TLR4: variants seen among roughly 807,000 people sequenced by gnomAD.
TLR4 encodes the protein toll-like receptor 4.
TLR4 carries 17 observed loss-of-function variants against 27.4 expected under a neutral mutation model. The ratio of observed to expected loss-of-function variants is 0.62; its 90% CI spans 0.42 to 0.93. TLR4 has a LOEUF of 0.93. Ranked by LOEUF, TLR4 falls within the 40% of genes least tolerant of loss-of-function variation. The pLI, the probability that TLR4 is intolerant of heterozygous loss-of-function variation, is 0.00. For synonymous variants in TLR4, 363 were observed against 365.7 expected, an observed-to-expected ratio of 0.99 and a Z score of 0.08; for missense variants, 926 against 962.3, an observed-to-expected ratio of 0.96 and a Z score of 0.50.
At position 117,713,699 on chromosome 9, in the gene TLR4, T is replaced by C; in HGVS notation, c.1571T>C (p.Val524Ala). ...TTTAACTCACTCTCCAGTCTTCAGG[T>C]ACTAAATATGAGCCACAACAACTTC... ...TAFNSLSSLQ[V>A]LNMSHNNFFS... The change falls in exon 3 of 3, where the codon GTA becomes GCA. Residue 524 changes from valine to alanine, a missense_variant. Coordinates refer to ENST00000355622, the MANE Select transcript of TLR4 (RefSeq NM_138554.5). The C allele has an allele frequency of 6.2e-7, 1 of 1,614,024 alleles. No individual in the cohort carries two copies. The highest frequency in any genetic ancestry group is 2.2e-5 in the East Asian group (1 of 44,858).
At chr9:117,706,457 A>G (rs989887106) in intron 1 of TLR4, among the ~76,000 whole-genome samples, 11 of 152,138 alleles carry the variant, frequency 7.2e-5, no homozygotes, top group African/African-American at 1.2e-4. Context: ...ATTTACCACT[A>G]TATTTCCAGT....
rs535260110 is a variant in TLR4, at chr9:117,713,119, G to A, written c.991G>A (p.Gly331Arg). The A allele has an allele frequency of 9.9e-6, 16 of 1,611,840 alleles. No homozygotes were observed. The highest frequency in any genetic ancestry group is 5.4e-5 in the African/African-American group (4 of 74,742). The change falls in exon 3 of 3, where the codon GGA (glycine) becomes AGA (arginine). Residue 331 changes from glycine to arginine, a missense_variant. Coordinates refer to ENST00000355622, the MANE Select transcript of TLR4 (RefSeq NM_138554.5). The part of the protein sequence containing the change: ...ERVKDFSYNF[G>R]WQHLELVNCK... ...GGTAAAAGACTTTTCTTATAATTTC[G>A]GATGGCAACATTTAGAATTAGTTAA...
At chr9:117,711,042 T>C (rs1359044137) in intron 2 of TLR4, among the ~76,000 whole-genome samples, 1 of 152,074 alleles carries the variant, frequency 6.6e-6, no homozygotes, top group African/African-American at 2.4e-5. Context: ...TCAAAAATAA[T>C]CAAGTTCAGC....
At chr9:117,706,279 T>C (rs1415150444) in intron 1 of TLR4, among the ~76,000 whole-genome samples, 1 of 152,184 alleles carries the variant, frequency 6.6e-6, no homozygotes, top group Non-Finnish European at 1.5e-5. Context: ...GCAGTCTTCC[T>C]TGATTGCCCC....
chr9:117,714,297 C>T lies in TLR4; in HGVS notation c.2169C>T (p.Ile723=). The change falls in exon 3 of 3, where the codon ATC becomes ATT. Residue 723 remains isoleucine (I), a synonymous_variant. Transcript: ENST00000355622. ...GTGTGGCCATTGCTGCCAACATCAT[C>T]CATGAAGGTTTCCATAAAAGCCGAA... ...IPGVAIAANI[I]HEGFHKSRKV... 8 of 1,593,444 alleles carry T rather than the reference C, an allele frequency of 5.0e-6. No homozygotes were observed. The highest frequency in any genetic ancestry group is 6.0e-6 in the Non-Finnish European group (7 of 1,165,160).
chr9:117,721,271 T>A lies in TLR4; in HGVS notation c.*6623T>A, dbSNP rs2131180764. 6.6e-6 allele frequency: 1 copy of A among 152,306 alleles called. No individual in the cohort carries two copies. Among genetic ancestry groups the A allele is most frequent in the South Asian group, 2.1e-4 (1 of 4,828 alleles). 9.4% of individuals were successfully genotyped at this position (152,306 alleles called of 1,614,324 possible). On this transcript the variant is annotated 3_prime_UTR_variant, in exon 3 of 3. Transcript: ENST00000355622. Reference sequence around the variant, plus strand: ...GAGTCCTCAATGTCTGTTATTTCATTCTCCATGTCCATGTCTACAAATTAT... The same window carrying A: ...GAGTCCTCAATGTCTGTTATTTCATACTCCATGTCCATGTCTACAAATTAT...
intron 1 of TLR4, chr9:117,708,009 G>A (rs762036597): frequency 3.0e-5 from 5 of 167,660 alleles, no homozygotes; most frequent in Non-Finnish European, 6.2e-5. Flanking sequence ...AATATGGAAC[G>A]CATCATGGAT....
intron 2 of TLR4, 22 bp downstream of exon 2, chr9:117,708,751 A>G: frequency 6.2e-7 from 1 of 1,613,360 alleles, no homozygotes; most frequent in Non-Finnish European, 8.5e-7. Flanking sequence ...ACTTTTACAT[A>G]CTGCACAAGG....
intron 1 of TLR4, chr9:117,708,137 T>C (rs1444914388): frequency 5.3e-6 from 5 of 947,342 alleles, no homozygotes; most frequent in Non-Finnish European, 5.1e-6. Flanking sequence ...ATTTTACATA[T>C]GATAAAATGA....
chr9:117,717,706 G>A lies in TLR4; in HGVS notation c.*3058G>A, dbSNP rs1484268871. 3 of 152,100 alleles carry A rather than the reference G, an allele frequency of 2.0e-5. No homozygotes were observed. The highest frequency in any genetic ancestry group is 7.2e-5 in the African/African-American group (3 of 41,424). 9.4% of individuals were successfully genotyped at this position (152,100 alleles called of 1,614,324 possible). A position where few individuals can be genotyped will look rare whatever the true frequency, so the allele number is the denominator to read the frequency against. Reference sequence around the variant, plus strand: ...CTATTCATATTTGAATATGAATTCTGCATAAGTGTGTTTATTCAAGCAAAT... The same window carrying A: ...CTATTCATATTTGAATATGAATTCTACATAAGTGTGTTTATTCAAGCAAAT... On this transcript the variant is annotated 3_prime_UTR_variant, in exon 3 of 3. Transcript: ENST00000355622.
rs923487630 is a variant in TLR4, at chr9:117,713,773, C to G, written c.1645C>G (p.Leu549Val). ...PYKCLNSLQV[L>V]DYSLNHIMTS... ...TAAGTGTCTGAACTCCCTCCAGGTT[C>G]TTGATTACAGTCTCAATCACATAAT... Residue 549 changes from leucine to valine, a missense_variant, in exon 3 of 3, where the codon CTT becomes GTT. Coordinates refer to ENST00000355622, the MANE Select transcript of TLR4 (RefSeq NM_138554.5). 8 of 1,613,888 alleles carry G rather than the reference C, an allele frequency of 5.0e-6. No homozygotes were observed. In the African/African-American group the frequency reaches 1.1e-4, roughly 22 times the overall value.
rs1210481231 is a variant in TLR4, at chr9:117,718,614, CTG to C, written c.*3971_*3972del. The C allele has an allele frequency of 6.6e-6, 1 of 152,042 alleles. No individual in the cohort carries two copies. The highest frequency in any genetic ancestry group is 1.5e-5 in the Non-Finnish European group (1 of 68,020). 9.4% of individuals were successfully genotyped at this position (152,042 alleles called of 1,614,324 possible). On this transcript the variant is annotated 3_prime_UTR_variant, in exon 3 of 3. Transcript: ENST00000355622. ...AAAACTCAAATTCACTCCTTATCAACTGTGTGCCTTGGGCTCCATTTCTCTGA... is the reference window on the plus strand; with the variant it reads ...AAAACTCAAATTCACTCCTTATCAACTGTGCCTTGGGCTCCATTTCTCTGA...
chr9:117,713,992 A>C lies in TLR4; in HGVS notation c.1864A>C (p.Ser622Arg). The change falls in exon 3 of 3, where the codon AGT (serine) becomes CGT (arginine). Residue 622 changes from serine (S) to arginine (R), a missense_variant. Transcript: ENST00000355622. ...AGATAAGCAGGGCATGCCTGTGCTGAGTTTGAATATCACCTGTCAGATGAA... is the reference window on the plus strand; with the variant it reads ...AGATAAGCAGGGCATGCCTGTGCTGCGTTTGAATATCACCTGTCAGATGAA... ...PSDKQGMPVL[S>R]LNITCQMNKT... 6.2e-7 allele frequency: 1 copy of C among 1,613,986 alleles called. No individual in the cohort carries two copies. Among genetic ancestry groups the C allele is most frequent in the Non-Finnish European group, 8.5e-7 (1 of 1,179,996 alleles).
intron 1 of TLR4, 171 bp from the exon 2 acceptor site, chr9:117,708,392 G>A (rs1052781616): frequency 6.8e-7 from 1 of 1,472,542 alleles, no homozygotes; most frequent in Non-Finnish European, 9.0e-7. Flanking sequence ...AGCATGAATT[G>A]AGTGAATGGA....
intron 1 of TLR4, among the ~76,000 whole-genome samples, chr9:117,707,564 G>C (rs774457814): frequency 6.6e-6 from 1 of 152,190 alleles, no homozygotes; most frequent in Non-Finnish European, 1.5e-5. Flanking sequence ...AAGGAATTTT[G>C]TTGGAGGAAA....
At chr9:117,710,250 T>C (rs865920966) in intron 2 of TLR4, among the ~76,000 whole-genome samples, 1 of 152,032 alleles carries the variant, frequency 6.6e-6, no homozygotes, top group Non-Finnish European at 1.5e-5. Flanking sequence ...CCAGGGTCTA[T>C]TTTTGTCATC....
In TLR4 at chr9:117,713,927, T is replaced by A; in HGVS notation, c.1799T>A (p.Leu600His). The part of the protein sequence containing the change: ...FLQWIKDQRQ[L>H]LVEVERMECA... ...CAATGGATCAAGGACCAGAGGCAGC[T>A]CTTGGTGGAAGTTGAACGAATGGAA... The change falls in exon 3 of 3, where the codon CTC (leucine) becomes CAC (histidine). Residue 600 changes from leucine to histidine, a missense_variant. Physicochemically the swap from Leu to His is moderately conservative, Grantham distance 99. Coordinates refer to ENST00000355622, the MANE Select transcript of TLR4 (RefSeq NM_138554.5). 1 of 1,614,044 alleles carries A rather than the reference T, an allele frequency of 6.2e-7. No homozygotes were observed.
rs750426776 is a variant in TLR4 at position 117,712,965 on chromosome 9, C to G, written c.837C>G (p.Gly279=). The G allele has an allele frequency of 1.2e-6, 2 of 1,614,028 alleles. No individual in the cohort carries two copies. The highest frequency in any genetic ancestry group is 1.7e-6 in the Non-Finnish European group (2 of 1,179,972). Residue 279 remains glycine, a synonymous_variant, in exon 3 of 3, where the codon GGC becomes GGG. Coordinates refer to ENST00000355622, the MANE Select transcript of TLR4 (RefSeq NM_138554.5). The part of the protein sequence containing the change: ...LEKFDKSALE[G]LCNLTIEEFR... The stretch of plus-strand genomic sequence containing the variant: ...AGTTTGACAAATCTGCTCTAGAGGG[C>G]CTGTGCAATTTGACCATTGAAGAAT...
rs567339096 is a variant in TLR4, at chr9:117,712,567, G to A, written c.439G>A (p.Gly147Arg). ...NLASLENFPI[G>R]HLKTLKELNV... ...AGCATCTCTAGAGAACTTCCCCATT[G>A]GACATCTCAAAACTTTGAAAGAACT... is the stretch of plus-strand genomic sequence containing the variant. Residue 147 changes from glycine to arginine, a missense_variant, in exon 3 of 3, where the codon GGA (glycine) becomes AGA (arginine). Coordinates refer to ENST00000355622, the MANE Select transcript of TLR4 (RefSeq NM_138554.5). 8 of 1,613,882 alleles carry A rather than the reference G, an allele frequency of 5.0e-6. No individual in the cohort carries two copies. In the East Asian group the frequency reaches 1.3e-4, roughly 27 times the overall value.
Sources: allele counts gnomAD v4.1 joint callset (sites outside exome capture counted in the v4.1 genomes callset), GRCh38; gene constraint gnomAD v4.1.1; transcripts MANE v1.5; gene names NCBI Gene and HGNC (gene_info 2026-07-23, HGNC 2026-07-21).